TGM4: variants seen among roughly 807,000 people sequenced by gnomAD.
TGM4 encodes the protein protein-glutamine gamma-glutamyltransferase 4.
Under a neutral mutation model 76.3 loss-of-function variants are expected in TGM4, and 61 were observed. That is an observed-to-expected ratio of 0.80 (90% CI 0.65 to 0.99). The LOEUF (loss-of-function observed/expected upper bound fraction) is 0.99, where lower values mean the gene tolerates loss of function less well. TGM4 is among the 50% of genes least tolerant of loss of function. The probability of loss-of-function intolerance (pLI) is 0.00; values close to 1 mark genes in which losing one functional copy is unlikely to be tolerated. For missense variants in TGM4, 794 were observed against 843.2 expected, an observed-to-expected ratio of 0.94 and a Z score of 0.72; for synonymous variants, 337 against 329.8, an observed-to-expected ratio of 1.02 and a Z score of -0.24.
At position 44,901,945 on chromosome 3, in the gene TGM4, T is replaced by G. The variant is rs1699861414; in HGVS notation, c.971+14T>G. The G allele has an allele frequency of 1.2e-6, 2 of 1,612,124 alleles. No individual in the cohort carries two copies. The highest frequency in any genetic ancestry group is 1.7e-5 in the Admixed American group (1 of 59,740). On this transcript the variant is annotated intron_variant, in intron 8 of 13. Coordinates refer to ENST00000296125, the MANE Select transcript of TGM4 (RefSeq NM_003241.4). ...CGACTCTGTCTGGTAGGGTTCCTCC[T>G]TCTCAACCTGCCCTGTCTCCTTCTC...
At chr3:44,885,542 A>G (rs1699594041) in intron 2 of TGM4, 44 bp downstream of exon 2, 1 of 1,582,084 alleles carries the variant, frequency 6.3e-7, no homozygotes, top group Non-Finnish European at 8.6e-7. Context: ...GGGAGGGATC[A>G]CAAGTGTCTG....
At chr3:44,897,630 C>G (rs1413436128) in intron 6 of TGM4, among the ~76,000 whole-genome samples, 1 of 152,134 alleles carries the variant, frequency 6.6e-6, no homozygotes, top group Non-Finnish European at 1.5e-5. Context: ...ATTTTGGTTT[C>G]AAGACCTCTT....
intron 5 of TGM4, among the ~76,000 whole-genome samples, chr3:44,893,934 G>A (rs1163711865): frequency 1.6e-4 from 17 of 108,200 alleles, no homozygotes; most frequent in African/African-American, 5.2e-4. Flanking sequence ...TCCACCCCAC[G>A]GCTCTCTCCC....
chr3:44,898,711 G>A (rs1419261420), intron 6 of TGM4, among the ~76,000 whole-genome samples: 1 of 152,178 alleles, frequency 6.6e-6, no homozygotes, highest in Non-Finnish European at 1.5e-5. Context: ...GAGTGGCTGT[G>A]AGCCTGTGTC....
At position 44,878,449 on chromosome 3, in the gene TGM4, TTTATTATTA is replaced by T. The variant is rs199498412; in HGVS notation, c.19+3794_19+3802del. Among the ~76,000 whole-genome samples the T allele has an allele frequency of 5.1e-3, 385 of 75,446 alleles. 3 individuals are homozygous for T. The highest frequency in any genetic ancestry group is 0.011 in the Admixed American group (74 of 6,652). 49.5% of individuals were successfully genotyped at this position (75,446 alleles called of 152,430 possible). Reference sequence around the variant, plus strand: ...TGTAATGGGCATTTATTACTTTTGTTTTATTATTATTATTATTATTATTATTATTATTAT... The same window carrying T: ...TGTAATGGGCATTTATTACTTTTGTTTTATTATTATTATTATTATTATTAT... On this transcript the variant is annotated intron_variant, in intron 1 of 13. Coordinates refer to ENST00000296125, the MANE Select transcript of TGM4 (RefSeq NM_003241.4).
At position 44,888,045 on chromosome 3, in the gene TGM4, T is replaced by A; in HGVS notation, c.300+250T>A. The A allele has an allele frequency of 8.0e-6, 4 of 501,258 alleles. No individual in the cohort carries two copies. In the East Asian group the frequency reaches 1.4e-4, roughly 17 times the overall value. 31.1% of individuals were successfully genotyped at this position (501,258 alleles called of 1,614,324 possible). On this transcript the variant is annotated intron_variant, in intron 3 of 13. Transcript: ENST00000296125. The stretch of plus-strand genomic sequence containing the variant: ...CCCCTTTCCATTTCAAAGGGAACAA[T>A]GTTCACTGGAGGACATGAGCGGAGA...
chr3:44,901,861 A>C lies in TGM4; in HGVS notation c.901A>C (p.Asn301His). The change falls in exon 8 of 14, where the codon AAC (asparagine) becomes CAC (histidine). Residue 301 changes from asparagine (N) to histidine (H), a missense_variant. Coordinates refer to ENST00000296125, the MANE Select transcript of TGM4 (RefSeq NM_003241.4). ...CGATTCAGCTCACGACACAGAAAGG[A>C]ACCTCACGGTGGACACCTATGTGAA... is the stretch of plus-strand genomic sequence containing the variant. ...GFDSAHDTERNLTVDTYVNEN... is the reference protein window; with the variant it reads ...GFDSAHDTERHLTVDTYVNEN... 1.2e-6 allele frequency: 2 copies of C among 1,614,192 alleles called. No homozygotes were observed. The highest frequency in any genetic ancestry group is 1.7e-6 in the Non-Finnish European group (2 of 1,180,024).
In TGM4 at chr3:44,885,421, G is replaced by A. The variant is rs1451707140; in HGVS notation, c.116G>A (p.Gly39Glu). 6.2e-7 allele frequency: 1 copy of A among 1,613,774 alleles called. No homozygotes were observed. Among genetic ancestry groups the A allele is most frequent in the South Asian group, 1.1e-5 (1 of 91,052 alleles). The change falls in exon 2 of 14, where the codon GGA (glycine) becomes GAA (glutamate). Residue 39 changes from glycine (G) to glutamate (E), a missense_variant. Transcript: ENST00000296125. ...FQTSSPVFRR[G>E]QVFHLRLVLN... ...ACGAGCAGTCCTGTGTTCCGGCGAG[G>A]ACAGGTGTTTCACCTGCGGCTGGTG... is the stretch of plus-strand genomic sequence containing the variant.
chr3:44,890,638 C>T lies in TGM4; in HGVS notation c.336C>T (p.Ile112=). 1.2e-6 allele frequency: 2 copies of T among 1,614,138 alleles called. No individual in the cohort carries two copies. Among genetic ancestry groups the T allele is most frequent in the Non-Finnish European group, 1.7e-6 (2 of 1,180,020 alleles). ...CTGTCACCAGTTCCCCCAATGCCAT[C>T]CTGGGCAAGTACCAACTAAACGTGA... ...TVAVTSSPNA[I]LGKYQLNVKT... The change falls in exon 4 of 14, where the codon ATC becomes ATT. Residue 112 remains isoleucine (I), a synonymous_variant. Transcript: ENST00000296125.
rs142492408 is a variant in TGM4, at chr3:44,913,726, C to G, written c.*1C>G. ...GAAGATTGTTCTCATCACCAAGTAG[C>G]CTTGTCTGATGCTGTGGAGCCTTAG... On this transcript the variant is annotated 3_prime_UTR_variant, in exon 14 of 14. Coordinates refer to ENST00000296125, the MANE Select transcript of TGM4 (RefSeq NM_003241.4). 2,143 of 1,612,556 alleles carry G rather than the reference C, an allele frequency of 1.3e-3. 9 individuals carry two copies. The highest frequency in any genetic ancestry group is 6.7e-3 in the African/African-American group (505 of 74,962).
chr3:44,898,821 C>T (rs934233962), intron 6 of TGM4, among the ~76,000 whole-genome samples: 1 of 152,236 alleles, frequency 6.6e-6, no homozygotes, highest in Middle Eastern at 3.4e-3. Flanking sequence ...CTCTCTGGGG[C>T]CCAGGAGTCC....
intron 1 of TGM4, among the ~76,000 whole-genome samples, chr3:44,877,432 T>A (rs1328616486): frequency 6.6e-6 from 1 of 151,886 alleles, no homozygotes; most frequent in Non-Finnish European, 1.5e-5. Flanking sequence ...AGAGCGAGAC[T>A]TTGTCTCAAA....
chr3:44,887,816 C>T (rs764218414), intron 3 of TGM4, 21 bp downstream of exon 3: 44 of 1,608,394 alleles, frequency 2.7e-5, no homozygotes, highest in South Asian at 1.1e-4. Flanking sequence ...ACTGGGCTGG[C>T]GGGTGGGCTG....
chr3:44,893,059 GAGT>G (rs1441065689), intron 4 of TGM4, among the ~76,000 whole-genome samples: 1 of 152,052 alleles, frequency 6.6e-6, no homozygotes. Context: ...TCTTTTTAAC[GAGT>G]AGTCTATGTG....
intron 4 of TGM4, 98 bp from the exon 5 acceptor site, chr3:44,893,479 G>T: frequency 9.6e-7 from 1 of 1,037,446 alleles, no homozygotes; most frequent in South Asian, 1.3e-5. Flanking sequence ...CCCTCACAAA[G>T]ACCTTGAATC....
intron 3 of TGM4, chr3:44,888,658 T>A (rs1413608890): frequency 6.6e-6 from 1 of 152,196 alleles, no homozygotes; most frequent in Non-Finnish European, 1.5e-5. Context: ...GTGTTATTTT[T>A]AATTTTTTTT....
chr3:44,885,960 G>A (rs1699601946), intron 2 of TGM4, among the ~76,000 whole-genome samples: 1 of 152,188 alleles, frequency 6.6e-6, no homozygotes, highest in African/African-American at 2.4e-5. Flanking sequence ...TACAACTAGG[G>A]GAAGAGAGAA....
rs3082589 is a variant in TGM4, at chr3:44,907,310, CAAAAAA to C, written c.1327+128_1327+133del. On this transcript the variant is annotated intron_variant, in intron 10 of 13. Coordinates refer to ENST00000296125, the MANE Select transcript of TGM4 (RefSeq NM_003241.4). ...CAACATGGTGAAACCCCATCCCTAC[CAAAAAA>C]AAAAAAAAAAAAAAAAATTAGCTGG... 8.3e-3 allele frequency: 5,431 copies of C among 656,134 alleles called. 1 individual carries two copies. The highest frequency in any genetic ancestry group is 0.015 in the South Asian group (524 of 35,332). 40.6% of individuals were successfully genotyped at this position (656,134 alleles called of 1,614,324 possible).
In TGM4 at chr3:44,890,733, G is replaced by A. The variant is rs933355085; in HGVS notation, c.430+1G>A. 5.0e-6 allele frequency: 8 copies of A among 1,613,700 alleles called. No homozygotes were observed. Among genetic ancestry groups the A allele is most frequent in the Non-Finnish European group, 8.5e-7 (1 of 1,179,820 alleles). On this transcript the variant is annotated splice_donor_variant, in intron 4 of 13. Transcript: ENST00000296125. LOFTEE classifies it high-confidence loss of function. ...CTTCTCTTCAACCCATGGTGTAAAG[G>A]TACTGTGAATCTCAGGTCTGCTGGG...
Sources: gnomAD v4.1 joint callset for allele counts (sites outside exome capture counted in the v4.1 genomes callset) on GRCh38, gnomAD v4.1.1 for gene constraint, MANE v1.5 for transcripts, NCBI Gene and HGNC (gene_info 2026-07-23, HGNC 2026-07-21) for gene names.